GSE1: variants seen among roughly 807,000 people sequenced by gnomAD.
GSE1 encodes the protein genetic suppressor element 1.
Under a neutral mutation model 112.6 loss-of-function variants are expected in GSE1, and 32 were observed. The ratio of observed to expected loss-of-function variants is 0.28; its 90% CI spans 0.21 to 0.38. The LOEUF (loss-of-function observed/expected upper bound fraction) is 0.38. GSE1 is among the 10% of genes least tolerant of loss of function. The pLI is 1.00. For missense variants in GSE1, 2,348 were observed against 1,699.2 expected, an observed-to-expected ratio of 1.38 and a Z score of -6.71; for synonymous variants, 1,115 against 735.6, an observed-to-expected ratio of 1.52 and a Z score of -8.35.
At chr16:85,375,738 C>CTTGGG (rs765495620) in intron 2 of GSE1, among the ~76,000 whole-genome samples, 1 of 64,480 alleles carries the variant, frequency 1.6e-5, no homozygotes, top group African/African-American at 5.0e-5. Context: ...CCACACAGGC[C>CTTGGG]TGCCTGTCTC....
intron 1 of GSE1, among the ~76,000 whole-genome samples, chr16:85,243,207 C>T (rs1905299011): frequency 1.3e-5 from 2 of 152,242 alleles, no homozygotes; most frequent in South Asian, 2.1e-4. Context: ...CACTTTGGCA[C>T]TTAAAACAAC....
chr16:85,286,451 G>A (rs1470289770), intron 1 of GSE1, among the ~76,000 whole-genome samples: 1 of 152,256 alleles, frequency 6.6e-6, no homozygotes, highest in Non-Finnish European at 1.5e-5. Context: ...TCAAGGACTT[G>A]GTGAGCCTGG....
chr16:85,653,955 C>CCCCTGCCA (rs2051671648), intron 3 of GSE1, among the ~76,000 whole-genome samples: 1 of 152,108 alleles, frequency 6.6e-6, no homozygotes, highest in Admixed American at 6.5e-5. Flanking sequence ...GAGGCAGGAG[C>CCCCTGCCA]CCCTGCCACC....
intron 1 of GSE1, among the ~76,000 whole-genome samples, chr16:85,614,755 C>G (rs935107138): frequency 2.6e-5 from 4 of 152,218 alleles, no homozygotes; most frequent in South Asian, 4.1e-4. Flanking sequence ...ACACTAAACC[C>G]TTGCTCCCCG....
At chr16:85,188,145 A>T (rs981170852) in intron 1 of GSE1, among the ~76,000 whole-genome samples, 2 of 152,138 alleles carry the variant, frequency 1.3e-5, no homozygotes, top group Non-Finnish European at 1.5e-5. Flanking sequence ...CCTGGGATCC[A>T]GGCTCCCTCA....
chr16:85,673,888 G>A lies in GSE1; in HGVS notation c.*1349G>A, dbSNP rs2053534080. The A allele has an allele frequency of 6.6e-6, 1 of 152,216 alleles. No individual in the cohort carries two copies. Among genetic ancestry groups the A allele is most frequent in the South Asian group, 2.1e-4 (1 of 4,834 alleles). The allele number at this position is 152,216 out of a possible 1,614,324, so 9.4% of individuals were successfully genotyped here. On this transcript the variant is annotated 3_prime_UTR_variant, in exon 16 of 16. Coordinates refer to ENST00000253458, the MANE Select transcript of GSE1 (RefSeq NM_014615.5). ...GAGCAGGTACAGAATAGGAACTTCA[G>A]AGGCTTTGTTTAAACGCAAAGCTTT...
chr16:85,491,207 A>C (rs1188525368), intron 2 of GSE1, among the ~76,000 whole-genome samples: 1 of 152,176 alleles, frequency 6.6e-6, no homozygotes, highest in African/African-American at 2.4e-5. Flanking sequence ...GTGTTCACGC[A>C]GCATCAGGCC....
At chr16:85,660,434 C>T (rs1297383363) in intron 8 of GSE1, among the ~76,000 whole-genome samples, 13 of 152,174 alleles carry the variant, frequency 8.5e-5, no homozygotes, top group African/African-American at 2.9e-4. Context: ...GTCAGGAATT[C>T]GAGAGCAGTC....
intron 1 of GSE1, among the ~76,000 whole-genome samples, chr16:85,351,953 G>A (rs757254962): frequency 2.6e-5 from 4 of 152,108 alleles, no homozygotes; most frequent in Non-Finnish European, 5.9e-5. Context: ...TCGCACCACT[G>A]CACTCCAGCC....
At chr16:85,563,937 G>C (rs1200815961) in intron 1 of GSE1, among the ~76,000 whole-genome samples, 2 of 152,244 alleles carry the variant, frequency 1.3e-5, no homozygotes, top group African/African-American at 4.8e-5. Context: ...CTGTGACCTA[G>C]TCCTGTCCTC....
chr16:85,284,688 C>T (rs565724345), intron 1 of GSE1, among the ~76,000 whole-genome samples: 52 of 152,270 alleles, frequency 3.4e-4, no homozygotes, highest in Admixed American at 9.8e-4. Context: ...AGGATGTGAT[C>T]GTTCAGGCTG....
At chr16:85,357,703 G>T in intron 2 of GSE1, 1 of 1,130,220 alleles carries the variant, frequency 8.8e-7, no homozygotes, top group Non-Finnish European at 1.2e-6. Flanking sequence ...TGTCCCAGCA[G>T]GGATGGGGGC....
chr16:85,254,595 T>G lies in GSE1; in HGVS notation c.2283+82788T>G, dbSNP rs114597625. ...GCCCTTGCCACCCACTGGGGAGGTCTTTTGGAAATCTCACTCCCTGTCCAC... is the reference window on the plus strand; with the variant it reads ...GCCCTTGCCACCCACTGGGGAGGTCGTTTGGAAATCTCACTCCCTGTCCAC... On this transcript the variant is annotated intron_variant, in intron 1 of 2. Transcript: ENST00000637419. Among the ~76,000 whole-genome samples the G allele has an allele frequency of 8.1e-3, 1,236 of 152,234 alleles. 14 individuals are homozygous for G. Among genetic ancestry groups the G allele is most frequent in the African/African-American group, 0.029 (1,197 of 41,536 alleles).
chr16:85,645,794 C>A (rs2050805741), intron 2 of GSE1, among the ~76,000 whole-genome samples: 1 of 152,240 alleles, frequency 6.6e-6, no homozygotes, highest in African/African-American at 2.4e-5. Flanking sequence ...CTGGAAAGGG[C>A]ATCTACCTGC....
chr16:85,665,710 G>C (rs1434304381), intron 12 of GSE1, among the ~76,000 whole-genome samples: 2 of 152,214 alleles, frequency 1.3e-5, no homozygotes, highest in Non-Finnish European at 2.9e-5. Context: ...CCTCCATGCT[G>C]CCTCCGTGGC....
intron 1 of GSE1, among the ~76,000 whole-genome samples, chr16:85,298,796 T>G (rs1030130108): frequency 5.3e-5 from 8 of 152,246 alleles, no homozygotes; most frequent in African/African-American, 1.9e-4. Flanking sequence ...AGGACCGCAT[T>G]GTGAACGTCA....
chr16:85,421,515 C>A (rs1271238576), intron 2 of GSE1, among the ~76,000 whole-genome samples: 2 of 152,226 alleles, frequency 1.3e-5, no homozygotes, highest in Non-Finnish European at 2.9e-5. Flanking sequence ...CAAACAGCAG[C>A]CCCAACTCCT....
rs1176664405 is a variant in GSE1, at chr16:85,409,058, C to G, written c.2464+51415C>G. Reference sequence around the variant, plus strand: ...ACACTCAGGGCCCACCTGGATAATCCTCACCGTTACACTCAGGGCCCCCCG... The same window carrying G: ...ACACTCAGGGCCCACCTGGATAATCGTCACCGTTACACTCAGGGCCCCCCG... On this transcript the variant is annotated intron_variant, in intron 2 of 2. Transcript: ENST00000637419. 2.7e-4 allele frequency among the ~76,000 whole-genome samples: 2 copies of G among 7,428 alleles called. 1 individual carries two copies. The highest frequency in any genetic ancestry group is 9.6e-4 in the African/African-American group (2 of 2,082). 4.9% of individuals were successfully genotyped at this position (7,428 alleles called of 152,430 possible).
intron 2 of GSE1, among the ~76,000 whole-genome samples, chr16:85,640,587 T>C (rs4843410): frequency 0.61 from 93,170 of 152,044 alleles, 29,521 homozygotes; most frequent in Non-Finnish European, 0.68. Flanking sequence ...CCTGAGTGAG[T>C]GGGGACTACG....
Sources: gnomAD v4.1 joint callset for allele counts (sites outside exome capture counted in the v4.1 genomes callset) on GRCh38, gnomAD v4.1.1 for gene constraint, MANE v1.5 for transcripts, NCBI Gene and HGNC (gene_info 2026-07-23, HGNC 2026-07-21) for gene names.